The following PKN2 variants were observed in gnomAD, a reference collection of about 807,000 sequenced individuals.
PKN2 encodes the protein serine/threonine-protein kinase N2.
In PKN2, 38 loss-of-function variants were observed where a neutral mutation model predicts 119.1. The ratio of observed to expected loss-of-function variants is 0.32; its 90% CI spans 0.25 to 0.42. PKN2 has a LOEUF of 0.42. PKN2 is among the 10% of genes least tolerant of loss of function. The probability of loss-of-function intolerance (pLI) is 1.00; values close to 1 mark genes in which losing one functional copy is unlikely to be tolerated. For missense variants in PKN2, 850 were observed against 1,165.1 expected (o/e 0.73, Z 3.94); for synonymous variants, 390 against 384.9 (o/e 1.01, Z -0.15).
chr1:88,719,300 G>A lies in PKN2; in HGVS notation c.49-21688G>A, dbSNP rs536265141. Among the ~76,000 whole-genome samples the A allele has an allele frequency of 2.0e-5, 3 of 152,204 alleles. No individual in the cohort carries two copies. In the East Asian group the frequency reaches 5.8e-4, roughly 29 times the overall value. On this transcript the variant is annotated intron_variant, in intron 1 of 21. Transcript: ENST00000370521. ...ACTAGTTTTATTTCCTCAGGGATGT[G>A]GTTTTATATTGTCCATATAGTTTCA... is the stretch of plus-strand genomic sequence containing the variant.
chr1:88,787,721 G>A (rs1327443432), intron 8 of PKN2, among the ~76,000 whole-genome samples: 6 of 152,168 alleles, frequency 3.9e-5, no homozygotes, highest in African/African-American at 9.6e-5. Flanking sequence ...AATGTTTTTC[G>A]CCTCAATGGC....
intron 1 of PKN2, among the ~76,000 whole-genome samples, chr1:88,685,728 C>T (rs915817936): frequency 1.3e-5 from 2 of 151,946 alleles, no homozygotes; most frequent in East Asian, 1.9e-4. Context: ...AAATAGCATG[C>T]CTGCATTTCT....
chr1:88,735,463 A>ATT (rs35330484), intron 1 of PKN2, among the ~76,000 whole-genome samples: 6,781 of 150,694 alleles, frequency 0.045, 203 homozygotes, highest in Non-Finnish European at 0.064. Context: ...TTCCTGGCCT[A>ATT]TTTTTTTTTA....
At chr1:88,687,509 A>G (rs1666149844) in intron 1 of PKN2, among the ~76,000 whole-genome samples, 1 of 152,210 alleles carries the variant, frequency 6.6e-6, no homozygotes, top group East Asian at 1.9e-4. Context: ...TGAAAACTGT[A>G]AAGAATCTCA....
rs1259069051 is a variant in PKN2 at position 88,833,673 on chromosome 1, G to GT, written c.*228dup. On this transcript the variant is annotated 3_prime_UTR_variant, in exon 22 of 22. Coordinates refer to ENST00000370521, the MANE Select transcript of PKN2 (RefSeq NM_006256.4). ...TGAGCACTGGAAACAGTTTCATGGA[G>GT]TTTAAGTTGAGTGAACATCGGCCAT... 2 of 457,962 alleles carry GT rather than the reference G, an allele frequency of 4.4e-6. No individual in the cohort carries two copies. The highest frequency in any genetic ancestry group is 3.9e-5 in the Admixed American group (1 of 25,506). The allele number at this position is 457,962 out of a possible 1,614,324, so 28.4% of individuals were successfully genotyped here.
intron 6 of PKN2, among the ~76,000 whole-genome samples, chr1:88,777,356 A>T (rs1311833338): frequency 6.6e-6 from 1 of 152,036 alleles, no homozygotes; most frequent in Non-Finnish European, 1.5e-5. Flanking sequence ...ATTTTTGAGC[A>T]TCTTAATTTA....
chr1:88,732,417 G>A (rs1668175311), intron 1 of PKN2, among the ~76,000 whole-genome samples: 1 of 152,158 alleles, frequency 6.6e-6, no homozygotes. Context: ...TTACACAGCA[G>A]TATATCAGCT....
intron 3 of PKN2, among the ~76,000 whole-genome samples, chr1:88,761,117 G>A (rs1669422857): frequency 6.6e-6 from 1 of 152,006 alleles, no homozygotes. Context: ...CAGTGTTATG[G>A]GGAGCAATTC....
intron 18 of PKN2, among the ~76,000 whole-genome samples, chr1:88,825,511 CTG>C (rs1267282354): frequency 1.3e-5 from 2 of 152,178 alleles, no homozygotes; most frequent in Non-Finnish European, 2.9e-5. Context: ...AGCCTTCAAT[CTG>C]AAAGTAAGGA....
At chr1:88,684,797 T>TG in intron 1 of PKN2, 169 bp downstream of exon 1, 1 of 564,412 alleles carries the variant, frequency 1.8e-6, no homozygotes. Flanking sequence ...ACCGCTTCCC[T>TG]GGGGAGCCGG....
chr1:88,760,861 A>G (rs1324370376), intron 3 of PKN2, among the ~76,000 whole-genome samples: 1 of 152,142 alleles, frequency 6.6e-6, no homozygotes, highest in Non-Finnish European at 1.5e-5. Context: ...ATTTTACCTT[A>G]TGGGTAAAGG....
At chr1:88,826,013 T>C (rs1215875788) in intron 18 of PKN2, among the ~76,000 whole-genome samples, 1 of 152,244 alleles carries the variant, frequency 6.6e-6, no homozygotes, top group Non-Finnish European at 1.5e-5. Flanking sequence ...GTGTAACCTC[T>C]ACAGGCAAGT....
chr1:88,760,127 A>G, intron 2 of PKN2, 95 bp from the exon 3 acceptor site: 4 of 704,944 alleles, frequency 5.7e-6, no homozygotes, highest in Non-Finnish European at 9.8e-6. Flanking sequence ...CTCATCTCAA[A>G]GTTTGAAAAA....
intron 6 of PKN2, chr1:88,781,089 G>A: frequency 8.3e-7 from 1 of 1,197,848 alleles, no homozygotes; most frequent in East Asian, 6.8e-5. Flanking sequence ...TAAATTTTAA[G>A]TAACTAGGGA....
At chr1:88,790,559 C>T (rs1670783492) in intron 8 of PKN2, among the ~76,000 whole-genome samples, 2 of 152,168 alleles carry the variant, frequency 1.3e-5, no homozygotes, top group Non-Finnish European at 1.5e-5. Context: ...AATATTTAAT[C>T]ATGATCTGTT....
At chr1:88,806,470 G>A (rs992468105) in intron 12 of PKN2, among the ~76,000 whole-genome samples, 3 of 150,998 alleles carry the variant, frequency 2.0e-5, no homozygotes, top group African/African-American at 4.9e-5. Context: ...GCACCCAGCC[G>A]AATTTATGTT....
Position 88,833,581 on chromosome 1 carries a change from A to G in PKN2, c.*133A>G, listed in dbSNP as rs1672820225. 1.5e-6 allele frequency: 1 copy of G among 675,126 alleles called. No homozygotes were observed. Among genetic ancestry groups the G allele is most frequent in the Non-Finnish European group, 2.5e-6 (1 of 394,542 alleles). The allele number at this position is 675,126 out of a possible 1,614,324, so 41.8% of individuals were successfully genotyped here. ...GTTGTTTTTATTGAAACACGTGAAG[A>G]TTTGTTTAAAAGTACCATTCTAATA... is the stretch of plus-strand genomic sequence containing the variant. On this transcript the variant is annotated 3_prime_UTR_variant, in exon 22 of 22. Coordinates refer to ENST00000370521, the MANE Select transcript of PKN2 (RefSeq NM_006256.4).
intron 16 of PKN2, among the ~76,000 whole-genome samples, chr1:88,818,997 A>G (rs1672132902): frequency 7.4e-6 from 1 of 135,952 alleles, no homozygotes; most frequent in African/African-American, 3.3e-5. Context: ...CTGAAACTGA[A>G]CCCCTTCCTT....
At chr1:88,829,025 A>G (rs1324276018) in intron 19 of PKN2, 1 of 644,770 alleles carries the variant, frequency 1.6e-6, no homozygotes, top group Non-Finnish European at 3.0e-6. Context: ...CGTCTGAGCA[A>G]CACACTCTGC....
Sources: gnomAD v4.1 joint callset for allele counts (sites outside exome capture counted in the v4.1 genomes callset) on GRCh38, gnomAD v4.1.1 for gene constraint, MANE v1.5 for transcripts, NCBI Gene and HGNC (gene_info 2026-07-23, HGNC 2026-07-21) for gene names.